JAZF1: variants seen among roughly 807,000 people sequenced by gnomAD.
JAZF1 encodes the protein JAZF zinc finger 1.
JAZF1 carries 8 observed loss-of-function variants against 26.4 expected under a neutral mutation model. That is an observed-to-expected ratio of 0.30 (90% CI 0.18 to 0.55). The LOEUF (loss-of-function observed/expected upper bound fraction) is 0.55, where lower values mean the gene tolerates loss of function less well. Among genes scored for constraint, JAZF1 ranks in the 20% least tolerant of loss-of-function variants. The pLI, the probability that JAZF1 is intolerant of heterozygous loss-of-function variation, is 0.94. For missense variants in JAZF1, 199 were observed against 322.0 expected (o/e 0.62, Z 2.92); for synonymous variants, 126 against 122.3 (o/e 1.03, Z -0.20).
At chr7:27,991,814 G>A (rs1785909599) in intron 2 of JAZF1, 95 bp downstream of exon 2, 1 of 731,668 alleles carries the variant, frequency 1.4e-6, no homozygotes, top group Admixed American at 2.5e-5. Flanking sequence ...TTTTAAGACT[G>A]AAAACATTTT....
intron 2 of JAZF1, among the ~76,000 whole-genome samples, chr7:27,978,339 G>A (rs1178340133): frequency 2.6e-5 from 4 of 152,122 alleles, no homozygotes; most frequent in African/African-American, 7.2e-5. Flanking sequence ...GAAATACATT[G>A]GAAATGTGGG....
intron 2 of JAZF1, among the ~76,000 whole-genome samples, chr7:27,966,492 G>A (rs1785277983): frequency 6.6e-6 from 1 of 152,170 alleles, no homozygotes; most frequent in Non-Finnish European, 1.5e-5. Flanking sequence ...ATTCAAGGCT[G>A]ACCCTGGACA....
intron 2 of JAZF1, among the ~76,000 whole-genome samples, chr7:27,974,878 C>A (rs111285994): frequency 8.8e-6 from 1 of 113,842 alleles, no homozygotes; most frequent in Non-Finnish European, 1.7e-5. Context: ...TCTGGGGAGG[C>A]CTTAGGGAGT....
At chr7:28,136,937 C>T (rs183799654) in intron 1 of JAZF1, among the ~76,000 whole-genome samples, 192 of 152,302 alleles carry the variant, frequency 1.3e-3, no homozygotes, top group African/African-American at 4.5e-3. Flanking sequence ...GGGAGGCTCG[C>T]AGGAGATGAG....
At chr7:28,009,705 G>T (rs1032638059) in intron 1 of JAZF1, among the ~76,000 whole-genome samples, 1 of 152,044 alleles carries the variant, frequency 6.6e-6, no homozygotes, top group African/African-American at 2.4e-5. Flanking sequence ...GGCTGGTCTC[G>T]ATCTCCTGAC....
chr7:27,999,631 T>G (rs980231398), intron 1 of JAZF1, among the ~76,000 whole-genome samples: 1 of 152,160 alleles, frequency 6.6e-6, no homozygotes, highest in Non-Finnish European at 1.5e-5. Flanking sequence ...TATTTGCAAA[T>G]ATGTCTTATC....
chr7:28,127,008 A>C (rs979929062), intron 1 of JAZF1, among the ~76,000 whole-genome samples: 5 of 152,218 alleles, frequency 3.3e-5, no homozygotes, highest in African/African-American at 1.2e-4. Context: ...CCTGTCTCTC[A>C]ATGAACAGTT....
At chr7:28,014,446 T>C (rs1963306) in intron 1 of JAZF1, among the ~76,000 whole-genome samples, 75,833 of 152,020 alleles carry the variant, frequency 0.5, 21,686 homozygotes, top group Non-Finnish European at 0.66. Flanking sequence ...TGGGAGGTAA[T>C]TGAATCATGG....
chr7:27,873,385 A>C (rs1477472435), intron 3 of JAZF1, among the ~76,000 whole-genome samples: 1 of 152,176 alleles, frequency 6.6e-6, no homozygotes, highest in Non-Finnish European at 1.5e-5. Context: ...CAACTCTATT[A>C]AACACAAATT....
chr7:28,006,179 C>T (rs1042584299), intron 1 of JAZF1, among the ~76,000 whole-genome samples: 1 of 151,888 alleles, frequency 6.6e-6, no homozygotes, highest in African/African-American at 2.4e-5. Flanking sequence ...AGCTGGATCA[C>T]CCCAACTTGG....
intron 1 of JAZF1, among the ~76,000 whole-genome samples, chr7:28,007,472 G>C (rs566561747): frequency 6.6e-6 from 1 of 152,172 alleles, no homozygotes; most frequent in Non-Finnish European, 1.5e-5. Flanking sequence ...GGGAGGCTGA[G>C]GCAGGAGAAT....
intron 2 of JAZF1, among the ~76,000 whole-genome samples, chr7:27,937,515 G>A (rs1227517478): frequency 6.6e-6 from 1 of 152,058 alleles, no homozygotes; most frequent in Admixed American, 6.6e-5. Context: ...TTTGCTTATA[G>A]ATAACCAAAA....
At chr7:28,128,813 C>T (rs1262256088) in intron 1 of JAZF1, among the ~76,000 whole-genome samples, 1 of 152,194 alleles carries the variant, frequency 6.6e-6, no homozygotes, top group East Asian at 1.9e-4. Context: ...CATGATGGCA[C>T]ACATTCAAAA....
At chr7:27,938,829 TG>T (rs1784799975) in intron 2 of JAZF1, among the ~76,000 whole-genome samples, 1 of 147,702 alleles carries the variant, frequency 6.8e-6, no homozygotes, top group South Asian at 2.1e-4. Flanking sequence ...TTTGTAGAAA[TG>T]GAGTTTTGCC....
At chr7:28,152,222 T>C (rs565689016) in intron 1 of JAZF1, among the ~76,000 whole-genome samples, 136 of 152,350 alleles carry the variant, frequency 8.9e-4, no homozygotes, top group African/African-American at 3.2e-3. Flanking sequence ...ATGAATCAGC[T>C]TTCATGGTTT....
chr7:28,085,146 C>CT (rs1299268320), intron 1 of JAZF1, among the ~76,000 whole-genome samples: 1 of 152,180 alleles, frequency 6.6e-6, no homozygotes, highest in Non-Finnish European at 1.5e-5. Flanking sequence ...GCCAAGGTGG[C>CT]TCAGTTCATA....
chr7:28,112,579 A>G (rs911793623), intron 1 of JAZF1, among the ~76,000 whole-genome samples: 18 of 97,990 alleles, frequency 1.8e-4, no homozygotes, highest in African/African-American at 1.1e-3. Context: ...GATAAGATCA[A>G]TTATGGGCAG....
At chr7:28,001,494 G>C (rs1432784259) in intron 1 of JAZF1, among the ~76,000 whole-genome samples, 3 of 152,208 alleles carry the variant, frequency 2.0e-5, no homozygotes, top group African/African-American at 7.2e-5. Flanking sequence ...GCAACTGAGA[G>C]GAACTTCTTG....
In JAZF1 at chr7:27,838,776, G is replaced by A. The variant is rs560705082; in HGVS notation, c.555+1922C>T. ...ATCTCCAGCGCCTGGTCACAGGTGT[G>A]GTCACAAGCCTGCTATGGCCCTGTG... On this transcript the variant is annotated intron_variant, in intron 4 of 4. Coordinates refer to ENST00000283928, the MANE Select transcript of JAZF1 (RefSeq NM_175061.4). Among the ~76,000 whole-genome samples the A allele has an allele frequency of 9.2e-5, 14 of 152,294 alleles. No individual in the cohort carries two copies. The South Asian group carries it at 2.9e-3, about 32-fold the overall frequency.
Sources: allele counts gnomAD v4.1 joint callset (sites outside exome capture counted in the v4.1 genomes callset), GRCh38; gene constraint gnomAD v4.1.1; transcripts MANE v1.5; gene names NCBI Gene and HGNC (gene_info 2026-07-23, HGNC 2026-07-21).